Variants in NCKAP5 observed in about 807,000 individuals in gnomAD.
NCKAP5 encodes the protein nck-associated protein 5.
In NCKAP5, 92 loss-of-function variants were observed where a neutral mutation model predicts 167.0. The ratio of observed to expected loss-of-function variants is 0.55; its 90% CI spans 0.47 to 0.66. The LOEUF (loss-of-function observed/expected upper bound fraction) is 0.66, where lower values mean the gene tolerates loss of function less well. NCKAP5 is among the 30% of genes least tolerant of loss of function. The probability of loss-of-function intolerance (pLI) is 0.00; values close to 1 mark genes in which losing one functional copy is unlikely to be tolerated. For synonymous variants in NCKAP5, 891 were observed against 877.4 expected (o/e 1.02, Z -0.27); for missense variants, 2,378 against 2,315.0 (o/e 1.03, Z -0.56).
chr2:133,014,453 C>T (rs2078266251), intron 6 of NCKAP5, among the ~76,000 whole-genome samples: 1 of 152,178 alleles, frequency 6.6e-6, no homozygotes, highest in African/African-American at 2.4e-5. Context: ...ATTTTAAAAC[C>T]TAATCTATAT....
intron 3 of NCKAP5, among the ~76,000 whole-genome samples, chr2:133,394,012 C>A (rs1242033262): frequency 6.6e-6 from 1 of 152,226 alleles, no homozygotes; most frequent in African/African-American, 2.4e-5. Flanking sequence ...TCACCACTTA[C>A]TTTGTAACCA....
the NCKAP5 span, among the ~76,000 whole-genome samples, chr2:133,590,464 C>CA: frequency 6.9e-6 from 1 of 145,794 alleles, no homozygotes; most frequent in African/African-American, 2.6e-5. Context: ...GCAGAGCTTG[C>CA]AGTGAGCCGA....
chr2:133,091,835 C>T (rs188187483), intron 6 of NCKAP5, among the ~76,000 whole-genome samples: 2,200 of 152,000 alleles, frequency 0.014, 25 homozygotes, highest in Non-Finnish European at 0.022. Flanking sequence ...TGCAGTGAGC[C>T]GAGATCCCAC....
intron 4 of NCKAP5, among the ~76,000 whole-genome samples, chr2:133,260,441 G>C (rs555195229): frequency 2.6e-5 from 4 of 152,272 alleles, no homozygotes; most frequent in Middle Eastern, 3.4e-3. Flanking sequence ...GCCTTCTTGA[G>C]TTAATTCACA....
At chr2:133,665,207 G>A in the NCKAP5 span, among the ~76,000 whole-genome samples, 4 of 152,284 alleles carry the variant, frequency 2.6e-5, no homozygotes, top group Non-Finnish European at 4.4e-5. Context: ...CATTCACAAC[G>A]TGGCTAACTG....
intron 4 of NCKAP5, among the ~76,000 whole-genome samples, chr2:133,271,702 G>C (rs559874292): frequency 6.6e-6 from 1 of 152,312 alleles, no homozygotes; most frequent in Non-Finnish European, 1.5e-5. Context: ...CTGGGCATCA[G>C]TGCAAAATAA....
chr2:133,467,564 G>A (rs1166658616), intron 3 of NCKAP5, among the ~76,000 whole-genome samples: 8 of 150,244 alleles, frequency 5.3e-5, no homozygotes, highest in Admixed American at 4.6e-4. Context: ...TCTATTGATT[G>A]GAATAGTTTC....
chr2:133,012,406 C>T (rs7605325), intron 6 of NCKAP5, among the ~76,000 whole-genome samples: 7,362 of 152,196 alleles, frequency 0.048, 536 homozygotes, highest in African/African-American at 0.16. Flanking sequence ...CGCCGCCATG[C>T]CTGGCTAAGT....
At chr2:133,225,021 C>A (rs2086819851) in intron 4 of NCKAP5, among the ~76,000 whole-genome samples, 1 of 152,112 alleles carries the variant, frequency 6.6e-6, no homozygotes, top group South Asian at 2.1e-4. Flanking sequence ...CAGGTATACC[C>A]CTGCCTCTGC....
chr2:132,724,600 T>A (rs1432723404), intron 19 of NCKAP5, among the ~76,000 whole-genome samples: 3 of 152,080 alleles, frequency 2.0e-5, no homozygotes, highest in Non-Finnish European at 4.4e-5. Flanking sequence ...CCCCTTCATC[T>A]ATCACAGTCA....
intron 5 of NCKAP5, among the ~76,000 whole-genome samples, chr2:133,161,036 T>C (rs1313141680): frequency 1.3e-5 from 2 of 152,140 alleles, no homozygotes; most frequent in African/African-American, 4.8e-5. Context: ...CATTGCCACC[T>C]GAGCTCTGCC....
chr2:132,737,139 T>G (rs1053331217), intron 16 of NCKAP5, among the ~76,000 whole-genome samples: 2 of 152,090 alleles, frequency 1.3e-5, no homozygotes, highest in African/African-American at 4.8e-5. Flanking sequence ...ATACAGTTGG[T>G]TGAGGAAAAC....
rs28635555 is a variant in NCKAP5, at chr2:133,303,162, T to C, written c.70-52A>G. On this transcript the variant is annotated intron_variant, in intron 3 of 19. Transcript: ENST00000409261. Reference sequence around the variant, plus strand: ...AAACTCACTATGACAGTCCCCACCATCCTAAGACCCTGACCTTATCTCTAC... The same window carrying C: ...AAACTCACTATGACAGTCCCCACCACCCTAAGACCCTGACCTTATCTCTAC... The C allele has an allele frequency of 2.3e-3, 2,956 of 1,262,852 alleles. 49 individuals are homozygous for C. In the African/African-American group the frequency reaches 0.039, roughly 17 times the overall value. 78.2% of individuals were successfully genotyped at this position (1,262,852 alleles called of 1,614,324 possible). A position where few individuals can be genotyped will look rare whatever the true frequency, so the allele number is the denominator to read the frequency against.
At chr2:132,836,273 T>G (rs1172856860) in intron 11 of NCKAP5, among the ~76,000 whole-genome samples, 2 of 152,202 alleles carry the variant, frequency 1.3e-5, no homozygotes, top group Non-Finnish European at 2.9e-5. Flanking sequence ...CTTTCCTAAC[T>G]TTAACACAGT....
Position 133,331,766 on chromosome 2 carries a change from G to A in NCKAP5, c.70-28656C>T, listed in dbSNP as rs142290557. ...AGCTGCCAGACAAGAATGACTTCCA[G>A]TAACTACGACTTCTCCCTGGAGGGA... On this transcript the variant is annotated intron_variant, in intron 3 of 19. Coordinates refer to ENST00000409261, the MANE Select transcript of NCKAP5 (RefSeq NM_207363.3). Among the ~76,000 whole-genome samples, 499 of 152,334 alleles carry A rather than the reference G, an allele frequency of 3.3e-3. 6 individuals carry two copies. The highest frequency in any genetic ancestry group is 0.011 in the African/African-American group (461 of 41,578).
intron 8 of NCKAP5, among the ~76,000 whole-genome samples, chr2:132,907,211 C>T (rs1694068713): frequency 6.6e-6 from 1 of 152,170 alleles, no homozygotes; most frequent in African/African-American, 2.4e-5. Flanking sequence ...ACCTTTTAGT[C>T]CATCCTCAAC....
intron 11 of NCKAP5, among the ~76,000 whole-genome samples, chr2:132,857,636 C>T (rs1249922961): frequency 6.6e-6 from 1 of 152,138 alleles, no homozygotes; most frequent in Non-Finnish European, 1.5e-5. Flanking sequence ...TGCTATCCCG[C>T]CATCTCAATT....
intron 2 of NCKAP5, among the ~76,000 whole-genome samples, chr2:133,523,894 G>T (rs1045503739): frequency 2.6e-5 from 4 of 152,174 alleles, no homozygotes; most frequent in African/African-American, 9.7e-5. Flanking sequence ...CACCCTGGTT[G>T]TACCTTAGAA....
At chr2:133,474,189 T>TAC (rs1322082010) in intron 3 of NCKAP5, among the ~76,000 whole-genome samples, 1 of 151,436 alleles carries the variant, frequency 6.6e-6, no homozygotes, top group Non-Finnish European at 1.5e-5. Flanking sequence ...TACATACATA[T>TAC]ACACACACAC....
Sources: allele counts gnomAD v4.1 joint callset (sites outside exome capture counted in the v4.1 genomes callset), GRCh38; gene constraint gnomAD v4.1.1; transcripts MANE v1.5; gene names NCBI Gene and HGNC (gene_info 2026-07-23, HGNC 2026-07-21).